Variants in KCTD19 observed in about 807,000 individuals in gnomAD.
The protein encoded by KCTD19 is BTB/POZ domain-containing protein KCTD19.
A neutral mutation model predicts 103.5 loss-of-function variants in KCTD19; 67 were observed. The ratio of observed to expected loss-of-function variants is 0.65; its 90% confidence interval spans 0.53 to 0.79. The LOEUF (loss-of-function observed/expected upper bound fraction) is 0.79. KCTD19 is among the 30% of genes least tolerant of loss of function. KCTD19 has a pLI of 0.00. For synonymous variants in KCTD19, 439 were observed against 452.2 expected (o/e 0.97, Z 0.37); for missense variants, 980 against 1,136.1 (o/e 0.86, Z 1.98).
Position 67,303,131 on chromosome 16 carries a change from G to T in KCTD19, c.643+15C>A. ...ATCAGCCCGCCCCCCACCCCACCCC[G>T]GACAGAGCAATCACCAATGAAGCGG... On this transcript the variant is annotated intron_variant, in intron 4 of 15. Transcript: ENST00000304372. The surrounding 1 kb of genome is among the most constrained non-coding windows in gnomAD (Gnocchi z 4.3). The T allele has an allele frequency of 6.8e-7, 1 of 1,479,674 alleles. No homozygotes were observed. 91.7% of individuals were successfully genotyped at this position (1,479,674 alleles called of 1,614,324 possible).
At chr16:67,321,176 G>T (rs552068308) in intron 1 of KCTD19, among the ~76,000 whole-genome samples, 1 of 152,204 alleles carries the variant, frequency 6.6e-6, no homozygotes, top group African/African-American at 2.4e-5. Context: ...AACAGAGCAA[G>T]ATCCTGTCTC....
rs148777116 is a variant in KCTD19 at position 67,299,534 on chromosome 16, C to T, written c.815G>A (p.Gly272Glu). ...SPTTCSPLSPGKGARTASLES... is the reference protein window; with the variant it reads ...SPTTCSPLSPEKGARTASLES... ...CAGGCTGGCTGTGCGGGCCCCCTTC[C>T]CGGGGCTCAGGGGAGAACAGGTGGT... Residue 272 changes from glycine (G) to glutamate (E), a missense_variant, in exon 6 of 16, where the codon GGG becomes GAG. Transcript: ENST00000304372. 1.3e-5 allele frequency: 21 copies of T among 1,613,958 alleles called. 1 individual carries two copies. In the African/African-American group the frequency reaches 2.0e-4, roughly 15 times the overall value.
In KCTD19 at chr16:67,295,028, C is replaced by A. The variant is rs1478693427; in HGVS notation, c.1420G>T (p.Glu474Ter). The A allele has an allele frequency of 6.2e-7, 1 of 1,614,062 alleles. No individual in the cohort carries two copies. The highest frequency in any genetic ancestry group is 8.5e-7 in the Non-Finnish European group (1 of 1,179,906). Residue 474 changes from glutamate (E) to a stop codon, truncating the protein, a stop_gained, in exon 10 of 16, where the codon GAG (glutamate) becomes TAG (stop). Transcript: ENST00000304372. LOFTEE classifies it high-confidence loss of function. Reference protein sequence around the residue: ...KEWPLFCQEVEEYHIPSLSEA... With the variant: ...KEWPLFCQEV The stretch of plus-strand genomic sequence containing the variant: ...GAGAGGGATGGAATGTGGTATTCCT[C>A]CACCTCCTGGCAGAAGAGGGGCCAT...
At chr16:67,325,616 AG>A (rs2037146122) in intron 1 of KCTD19, among the ~76,000 whole-genome samples, 1 of 152,028 alleles carries the variant, frequency 6.6e-6, no homozygotes, top group East Asian at 1.9e-4. Context: ...TCCCATCCAC[AG>A]GTGGGCTCTT....
chr16:67,319,822 T>C (rs1442689106), intron 2 of KCTD19, among the ~76,000 whole-genome samples: 2 of 152,020 alleles, frequency 1.3e-5, no homozygotes, highest in Non-Finnish European at 2.9e-5. Flanking sequence ...CTTTTTGCTT[T>C]GGTGTAAATG....
intron 4 of KCTD19, 75 bp from the exon 5 acceptor site, chr16:67,301,997 G>C: frequency 7.0e-7 from 1 of 1,430,452 alleles, no homozygotes; most frequent in Admixed American, 1.7e-5. Context: ...GTTTTGGCAG[G>C]TTTCTGGTGC....
intron 2 of KCTD19, 122 bp from the exon 3 acceptor site, chr16:67,304,693 TCG>T: frequency 1.2e-6 from 1 of 828,234 alleles, no homozygotes; most frequent in Middle Eastern, 3.8e-4. Flanking sequence ...AGACAGAGTC[TCG>T]TTTTGTTGCC....
Position 67,291,751 on chromosome 16 carries a change from C to A in KCTD19, c.2305G>T (p.Val769Leu), listed in dbSNP as rs767942388. ...AACATGCAGAAGCCATCGCTGCCCACCACGGGGGGGTGAGTCACTTTGAGG... is the reference window on the plus strand; with the variant it reads ...AACATGCAGAAGCCATCGCTGCCCAACACGGGGGGGTGAGTCACTTTGAGG... ...VILKVTHPPV[V>L]GSDGFCMFFE... The change falls in exon 13 of 16, where the codon GTG (valine) becomes TTG (leucine). Residue 769 changes from valine to leucine, a missense_variant. Transcript: ENST00000304372. The A allele has an allele frequency of 2.5e-6, 4 of 1,614,148 alleles. No homozygotes were observed. In the Admixed American group the frequency reaches 6.7e-5, roughly 27 times the overall value.
In KCTD19 at chr16:67,293,954, C is replaced by G; in HGVS notation, c.1808G>C (p.Ser603Thr). 6.2e-7 allele frequency: 1 copy of G among 1,614,076 alleles called. No individual in the cohort carries two copies. The highest frequency in any genetic ancestry group is 8.5e-7 in the Non-Finnish European group (1 of 1,180,030). ...CTTCTTTGGGGGGCTCTCAGGGTGG[C>G]TCCCCCAGTGTCCAGGATTGGTACA... ...GLCTNPGHWGSHPESPPKKKC... is the reference protein window; with the variant it reads ...GLCTNPGHWGTHPESPPKKKC... Residue 603 changes from serine to threonine, a missense_variant, in exon 12 of 16, where the codon AGC becomes ACC. Physicochemically the swap from Ser to Thr is moderately conservative, Grantham distance 58. Transcript: ENST00000304372. The surrounding 1 kb of genome is among the most constrained non-coding windows in gnomAD (Gnocchi z 4.0).
chr16:67,309,999 C>A (rs956793813), intron 2 of KCTD19, among the ~76,000 whole-genome samples: 2 of 152,192 alleles, frequency 1.3e-5, no homozygotes, highest in South Asian at 4.1e-4. Flanking sequence ...CCATCCTTGC[C>A]AGTCAGGTCA....
intron 2 of KCTD19, among the ~76,000 whole-genome samples, chr16:67,311,303 CT>C (rs908267916): frequency 2.0e-4 from 30 of 146,798 alleles, no homozygotes; most frequent in Middle Eastern, 3.5e-3. Flanking sequence ...TAGGCCAAAT[CT>C]TTTTTTTTTT....
chr16:67,293,478 T>A lies in KCTD19; in HGVS notation c.2218+66A>T. ...CCTTTGTCACTAACTTGCTCTGCCATCTTGGCCAAAGAGTTTGCCTTCTCT... is the reference window on the plus strand; with the variant it reads ...CCTTTGTCACTAACTTGCTCTGCCAACTTGGCCAAAGAGTTTGCCTTCTCT... On this transcript the variant is annotated intron_variant, in intron 12 of 15. Transcript: ENST00000304372. This position sits in a 1 kb window ranked among gnomAD's most constrained non-coding sequence, Gnocchi z 4.0. The A allele has an allele frequency of 6.5e-7, 1 of 1,549,914 alleles. No homozygotes were observed. The highest frequency in any genetic ancestry group is 8.8e-7 in the Non-Finnish European group (1 of 1,142,230).
intron 15 of KCTD19, among the ~76,000 whole-genome samples, chr16:67,290,427 C>T (rs546683600): frequency 2.1e-4 from 32 of 152,250 alleles, no homozygotes; most frequent in South Asian, 1.0e-3. Context: ...ATCCACCCGC[C>T]TCGGCCTCCC....
In KCTD19 at chr16:67,323,809, C is replaced by T. The variant is rs561372139; in HGVS notation, c.3+2896G>A. Reference sequence around the variant, plus strand: ...TGATTGTGATGATAGTTGCACAACTCTGAACATACTAAAACTCACTGAATT... The same window carrying T: ...TGATTGTGATGATAGTTGCACAACTTTGAACATACTAAAACTCACTGAATT... On this transcript the variant is annotated intron_variant, in intron 1 of 15. Transcript: ENST00000304372. The surrounding 1 kb of genome is among the most constrained non-coding windows in gnomAD (Gnocchi z 4.1). 6.6e-6 allele frequency among the ~76,000 whole-genome samples: 1 copy of T among 151,632 alleles called. No individual in the cohort carries two copies. The highest frequency in any genetic ancestry group is 1.5e-5 in the Non-Finnish European group (1 of 67,934).
chr16:67,296,651 T>C (rs957282517), intron 7 of KCTD19, among the ~76,000 whole-genome samples: 2 of 152,208 alleles, frequency 1.3e-5, no homozygotes, highest in African/African-American at 4.8e-5. Flanking sequence ...GCAAATGTCA[T>C]GGAGCCAACT....
chr16:67,294,226 C>G (rs1412335367), intron 11 of KCTD19, 55 bp from the exon 12 acceptor site: 2 of 1,529,880 alleles, frequency 1.3e-6, no homozygotes, highest in African/African-American at 2.8e-5. Context: ...ACATCAACGC[C>G]TTGCCCAAGA....
chr16:67,294,260 C>T, intron 11 of KCTD19, 89 bp from the exon 12 acceptor site: 3 of 1,329,308 alleles, frequency 2.3e-6, no homozygotes, highest in Non-Finnish European at 3.1e-6. Context: ...GCCTCCAAGA[C>T]TTCACTTGCT....
intron 5 of KCTD19, chr16:67,299,914 CA>C: frequency 3.6e-6 from 1 of 280,182 alleles, no homozygotes; most frequent in Non-Finnish European, 6.6e-6. Context: ...TGTAACCATC[CA>C]AAGGTAAAGA....
chr16:67,307,653 G>T (rs2036908597), intron 2 of KCTD19, among the ~76,000 whole-genome samples: 1 of 152,044 alleles, frequency 6.6e-6, no homozygotes, highest in African/African-American at 2.4e-5. Flanking sequence ...GTAAAGACAG[G>T]GCTTTGCCAT....
Sources: allele counts gnomAD v4.1 joint callset (sites outside exome capture counted in the v4.1 genomes callset), GRCh38; gene constraint gnomAD v4.1.1; non-coding constraint Gnocchi (gnomAD v3.1); transcripts MANE v1.5; gene names NCBI Gene and HGNC (gene_info 2026-07-23, HGNC 2026-07-21).